RELL1: variants seen among roughly 807,000 people sequenced by gnomAD.
The protein encoded by RELL1 is RELT like 1.
In RELL1, 10 loss-of-function variants were observed where a neutral mutation model predicts 23.0. The ratio of observed to expected loss-of-function variants is 0.43; its 90% CI spans 0.27 to 0.74. The LOEUF (loss-of-function observed/expected upper bound fraction) is 0.74. Ranked by LOEUF, RELL1 falls within the 30% of genes least tolerant of loss-of-function variation. The pLI, the probability that RELL1 is intolerant of heterozygous loss-of-function variation, is 0.19. For synonymous variants in RELL1, 146 were observed against 146.8 expected, an observed-to-expected ratio of 0.99 and a Z score of 0.04; for missense variants, 315 against 364.4, an observed-to-expected ratio of 0.86 and a Z score of 1.10.
At chr4:37,614,861 C>T (rs1719523887) in intron 6 of RELL1, among the ~76,000 whole-genome samples, 1 of 152,122 alleles carries the variant, frequency 6.6e-6, no homozygotes, top group African/African-American at 2.4e-5. Flanking sequence ...GGCCTAGAAA[C>T]TAATGTTTCA....
At chr4:37,634,821 A>G in intron 5 of RELL1, 66 bp downstream of exon 5, 1 of 1,289,948 alleles carries the variant, frequency 7.8e-7, no homozygotes, top group Non-Finnish European at 1.1e-6. Context: ...CTGACAGGTA[A>G]GCAGAAGTCC....
intron 5 of RELL1, among the ~76,000 whole-genome samples, chr4:37,633,144 TAC>T (rs1162992495): frequency 1.3e-5 from 2 of 152,094 alleles, no homozygotes; most frequent in Admixed American, 6.5e-5. Context: ...CACGGTGGCT[TAC>T]ACCTGTAATC....
chr4:37,645,105 G>A (rs16993738), intron 3 of RELL1, among the ~76,000 whole-genome samples: 1,588 of 152,282 alleles, frequency 0.01, 42 homozygotes, highest in African/African-American at 0.036. Flanking sequence ...ACGTCGATAC[G>A]TGAGAACTTT....
rs374390316 is a variant in RELL1 at position 37,614,368 on chromosome 4, GAGAC to G, written c.*4-1030_*4-1027del. On this transcript the variant is annotated intron_variant, in intron 6 of 6. Coordinates refer to ENST00000454158, the MANE Select transcript of RELL1 (RefSeq NM_001085400.2). ...ACAGAGCACAAGAGGAAGAATGAGG[GAGAC>G]AGACAGAAAGAAAGAGATTTATTTC... 5.9e-3 allele frequency among the ~76,000 whole-genome samples: 895 copies of G among 152,190 alleles called. 5 individuals are homozygous for G. Among genetic ancestry groups the G allele is most frequent in the African/African-American group, 0.021 (859 of 41,514 alleles).
At chr4:37,670,067 A>G (rs1458923208) in intron 1 of RELL1, among the ~76,000 whole-genome samples, 3 of 150,710 alleles carry the variant, frequency 2.0e-5, no homozygotes, top group Admixed American at 6.6e-5. Flanking sequence ...AAAAAAAAAA[A>G]AAAGAAAGAA....
At chr4:37,644,999 C>A (rs1253547724) in intron 3 of RELL1, among the ~76,000 whole-genome samples, 1 of 152,152 alleles carries the variant, frequency 6.6e-6, no homozygotes, top group Non-Finnish European at 1.5e-5. Flanking sequence ...CGGTGGGCTT[C>A]ACTTTATAAC....
intron 1 of RELL1, among the ~76,000 whole-genome samples, chr4:37,668,373 G>A (rs1006929849): frequency 2.0e-5 from 3 of 152,086 alleles, no homozygotes; most frequent in African/African-American, 4.8e-5. Context: ...GCGCCGCCAC[G>A]CCTGACTGGT....
intron 5 of RELL1, among the ~76,000 whole-genome samples, chr4:37,632,040 T>C (rs1720153923): frequency 8.7e-6 from 1 of 114,776 alleles, no homozygotes; most frequent in Non-Finnish European, 1.6e-5. Context: ...GATCACGTCA[T>C]GCACTCCAGC....
chr4:37,605,558 A>G (rs936732028), intron 6 of RELL1, among the ~76,000 whole-genome samples: 1 of 152,006 alleles, frequency 6.6e-6, no homozygotes, highest in African/African-American at 2.4e-5. Context: ...CCTGGCCAAC[A>G]TGGTGAAACC....
intron 3 of RELL1, among the ~76,000 whole-genome samples, chr4:37,639,201 G>A (rs1282682757): frequency 2.0e-5 from 3 of 151,996 alleles, no homozygotes; most frequent in Non-Finnish European, 2.9e-5. Flanking sequence ...TGGCTAACAC[G>A]GTGAAACCCC....
chr4:37,650,933 A>G (rs1217211302), intron 1 of RELL1, among the ~76,000 whole-genome samples: 1 of 151,846 alleles, frequency 6.6e-6, no homozygotes, highest in Non-Finnish European at 1.5e-5. Context: ...GTGGTACACA[A>G]CTGTGGTGCC....
intron 1 of RELL1, among the ~76,000 whole-genome samples, chr4:37,668,968 C>T (rs1721655986): frequency 6.7e-6 from 1 of 149,678 alleles, no homozygotes. Context: ...GGTGAGGAGC[C>T]CCTCTGCCCG....
intron 1 of RELL1, among the ~76,000 whole-genome samples, chr4:37,654,315 A>C (rs532891805): frequency 6.6e-6 from 1 of 152,304 alleles, no homozygotes; most frequent in African/African-American, 2.4e-5. Flanking sequence ...CTGCTACCAT[A>C]CTGGACGGCC....
chr4:37,633,138 G>A (rs1385878454), intron 5 of RELL1, among the ~76,000 whole-genome samples: 1 of 152,152 alleles, frequency 6.6e-6, no homozygotes, highest in Non-Finnish European at 1.5e-5. Flanking sequence ...GCCAGGCACG[G>A]TGGCTTACAC....
downstream of RELL1, chr4:37,588,315 C>G (rs931221999): frequency 5.0e-4 from 76 of 152,930 alleles, no homozygotes; most frequent in Middle Eastern, 3.4e-3. Context: ...GAAGCTTGTG[C>G]GATGACTCGG....
chr4:37,631,328 T>A (rs1442452772), intron 6 of RELL1, 57 bp downstream of exon 6: 7 of 1,538,200 alleles, frequency 4.6e-6, no homozygotes, highest in Admixed American at 4.0e-5. Flanking sequence ...AGGCTCCAAG[T>A]ACCTTCTCCT....
At chr4:37,604,862 C>CAG (rs1560323848) in intron 6 of RELL1, among the ~76,000 whole-genome samples, 5,355 of 123,688 alleles carry the variant, frequency 0.043, 165 homozygotes, top group Middle Eastern at 0.062. Context: ...GACACACACA[C>CAG]ACAGACACAC....
intron 1 of RELL1, among the ~76,000 whole-genome samples, chr4:37,654,251 G>A (rs1331443337): frequency 2.0e-5 from 3 of 152,180 alleles, no homozygotes; most frequent in Admixed American, 1.3e-4. Flanking sequence ...TAAAAATTCA[G>A]TTCCTCAGTT....
Position 37,634,877 on chromosome 4 carries a change from G to A in RELL1, c.680+10C>T, listed in dbSNP as rs1405612184. On this transcript the variant is annotated intron_variant, in intron 5 of 6. Coordinates refer to ENST00000454158, the MANE Select transcript of RELL1 (RefSeq NM_001085400.2). ...CACACACAAACCAAAAGCATCTGAA[G>A]GGATCTTACCTGCCAACAGAAAGGA... is the stretch of plus-strand genomic sequence containing the variant. 4 of 1,613,124 alleles carry A rather than the reference G, an allele frequency of 2.5e-6. No individual in the cohort carries two copies. The highest frequency in any genetic ancestry group is 3.4e-6 in the Non-Finnish European group (4 of 1,179,078).
Sources: gnomAD v4.1 joint callset for allele counts (sites outside exome capture counted in the v4.1 genomes callset) on GRCh38, gnomAD v4.1.1 for gene constraint, MANE v1.5 for transcripts, NCBI Gene and HGNC (gene_info 2026-07-23, HGNC 2026-07-21) for gene names.